ITPR1: variants seen among roughly 807,000 people sequenced by gnomAD.
The protein encoded by ITPR1 is inositol 1,4,5-trisphosphate-gated calcium channel ITPR1.
In ITPR1, 96 loss-of-function variants were observed where a neutral mutation model predicts 318.4. The observed-to-expected ratio is 0.30, with a 90% CI of 0.26 to 0.36. ITPR1 has a LOEUF of 0.36. ITPR1 is among the 10% of genes least tolerant of loss of function. The pLI is 1.00. For missense variants in ITPR1, 2,440 were observed against 3,460.2 expected, an observed-to-expected ratio of 0.71 and a Z score of 7.40; for synonymous variants, 1,312 against 1,289.9, an observed-to-expected ratio of 1.02 and a Z score of -0.37.
chr3:4,574,206 T>C (rs1160214862), intron 4 of ITPR1, among the ~76,000 whole-genome samples: 1 of 152,072 alleles, frequency 6.6e-6, no homozygotes, highest in Non-Finnish European at 1.5e-5. Context: ...ATCTTCTTTT[T>C]TTTTTTTTCA....
At chr3:4,542,851 G>A (rs1274449151) in intron 4 of ITPR1, among the ~76,000 whole-genome samples, 1 of 152,130 alleles carries the variant, frequency 6.6e-6, no homozygotes, top group Non-Finnish European at 1.5e-5. Flanking sequence ...CCTTCCAGGG[G>A]TCTTGTTTCC....
rs535609819 is a variant in ITPR1, at chr3:4,631,304, G to A, written c.279+3426G>A. Among the ~76,000 whole-genome samples the A allele has an allele frequency of 2.1e-4, 32 of 152,262 alleles. 1 individual carries two copies. The highest frequency in any genetic ancestry group is 7.0e-4 in the African/African-American group (29 of 41,548). On this transcript the variant is annotated intron_variant, in intron 5 of 61. Coordinates refer to ENST00000649015, the MANE Select transcript of ITPR1 (RefSeq NM_001378452.1). ...ACAATCACCAACCATAGTGATACAC[G>A]ATTTTACATTTCCCTTTTTGACCTA...
At chr3:4,675,350 C>A in intron 23 of ITPR1, 102 bp downstream of exon 23, 3 of 788,268 alleles carry the variant, frequency 3.8e-6, no homozygotes, top group Non-Finnish European at 3.9e-6. Context: ...TTTCTTTGTT[C>A]ATTCCTTCCC....
intron 15 of ITPR1, 106 bp from the exon 16 acceptor site, chr3:4,662,959 C>A: frequency 2.2e-6 from 2 of 894,412 alleles, no homozygotes; most frequent in Non-Finnish European, 3.5e-6. Flanking sequence ...AAGTGTGGGT[C>A]TGCCCCTGTT....
intron 43 of ITPR1, among the ~76,000 whole-genome samples, chr3:4,734,844 A>G (rs964588440): frequency 2.6e-5 from 4 of 152,246 alleles, no homozygotes; most frequent in Admixed American, 6.5e-5. Context: ...GAACTCTGCC[A>G]CAAGTAATTG....
At chr3:4,701,697 T>C (rs1201624591) in intron 35 of ITPR1, among the ~76,000 whole-genome samples, 1 of 152,242 alleles carries the variant, frequency 6.6e-6, no homozygotes, top group African/African-American at 2.4e-5. Context: ...TTATCCTTGC[T>C]GGGCCTTTGT....
chr3:4,496,603 G>T (rs2080591909), intron 2 of ITPR1, among the ~76,000 whole-genome samples: 1 of 152,156 alleles, frequency 6.6e-6, no homozygotes, highest in South Asian at 2.1e-4. Flanking sequence ...AGAGATAGAT[G>T]AACTCCACAG....
chr3:4,841,342 A>C (rs1390122734), intron 61 of ITPR1, among the ~76,000 whole-genome samples: 2 of 152,218 alleles, frequency 1.3e-5, no homozygotes, highest in Admixed American at 6.5e-5. Context: ...CAAGCAGGTG[A>C]CTTCTGAGCT....
At chr3:4,498,436 G>C (rs2080768751) in intron 2 of ITPR1, among the ~76,000 whole-genome samples, 1 of 152,136 alleles carries the variant, frequency 6.6e-6, no homozygotes, top group Non-Finnish European at 1.5e-5. Flanking sequence ...GAAGGCCAGG[G>C]GAGAGTGCTA....
At chr3:4,714,814 G>T (rs367884924) in intron 39 of ITPR1, among the ~76,000 whole-genome samples, 1 of 152,184 alleles carries the variant, frequency 6.6e-6, no homozygotes, top group South Asian at 2.1e-4. Flanking sequence ...AAACTTTGGC[G>T]TGCCTGTTTG....
At chr3:4,646,446 G>A (rs376007473) in intron 10 of ITPR1, among the ~76,000 whole-genome samples, 6 of 152,356 alleles carry the variant, frequency 3.9e-5, no homozygotes, top group African/African-American at 1.4e-4. Flanking sequence ...GTGAAGCAGC[G>A]TGGGATAAAA....
chr3:4,720,223 G>T (rs1291045928), intron 40 of ITPR1, among the ~76,000 whole-genome samples: 1 of 152,146 alleles, frequency 6.6e-6, no homozygotes, highest in Non-Finnish European at 1.5e-5. Flanking sequence ...ACAGTTTTGT[G>T]GGGGGCAAAG....
In ITPR1 at chr3:4,788,144, G is replaced by A; in HGVS notation, c.6808+5G>A. ...ATTGGCAGAAGAAACTGAGAGGTGG[G>A]TTCCAACGCATCAGCAACAACACAG... On this transcript the variant is annotated splice_donor_5th_base_variant and intron_variant, in intron 52 of 61. Coordinates refer to ENST00000649015, the MANE Select transcript of ITPR1 (RefSeq NM_001378452.1). 6.3e-7 allele frequency: 1 copy of A among 1,593,630 alleles called. No individual in the cohort carries two copies. Among genetic ancestry groups the A allele is most frequent in the Middle Eastern group, 1.7e-4 (1 of 6,034 alleles).
chr3:4,675,281 G>T (rs2094161413), intron 23 of ITPR1, 33 bp downstream of exon 23: 2 of 1,516,892 alleles, frequency 1.3e-6, no homozygotes, highest in Non-Finnish European at 1.8e-6. Context: ...ACATCTGAGA[G>T]ATGCCCTCCA....
At position 4,836,865 on chromosome 3, in the gene ITPR1, A is replaced by G; in HGVS notation, c.8120A>G (p.Gln2707Arg). Residue 2707 changes from glutamine (Q) to arginine (R), a missense_variant, in exon 61 of 62, where the codon CAG (glutamine) becomes CGG (arginine). This residue lies in a region of ITPR1 where 63 missense variants were observed against 63.4 expected (regional missense o/e 0.99). Transcript: ENST00000649015. Reference sequence around the variant, plus strand: ...GAACAGAATGAGCTGAGAAACCTGCAGGAGAAGCTGGAGTCCACCATGAAA... The same window carrying G: ...GAACAGAATGAGCTGAGAAACCTGCGGGAGAAGCTGGAGTCCACCATGAAA... ...EGEQNELRNL[Q>R]EKLESTMKLV... 6.3e-7 allele frequency: 1 copy of G among 1,597,094 alleles called. No homozygotes were observed. Among genetic ancestry groups the G allele is most frequent in the Non-Finnish European group, 8.6e-7 (1 of 1,168,318 alleles).
intron 2 of ITPR1, among the ~76,000 whole-genome samples, chr3:4,501,995 G>A (rs1217752678): frequency 6.6e-6 from 1 of 152,202 alleles, no homozygotes; most frequent in Admixed American, 6.5e-5. Context: ...GTTTCTTGCT[G>A]TTCTTTTGCA....
chr3:4,727,769 T>A (rs985523903), intron 42 of ITPR1, among the ~76,000 whole-genome samples: 2 of 152,106 alleles, frequency 1.3e-5, no homozygotes, highest in African/African-American at 2.4e-5. Flanking sequence ...AGAGACAGAG[T>A]CTTGCTATGT....
chr3:4,646,650 G>T (rs2093464979), intron 10 of ITPR1, among the ~76,000 whole-genome samples: 1 of 152,154 alleles, frequency 6.6e-6, no homozygotes, highest in Admixed American at 6.5e-5. Flanking sequence ...AAAGAAGCTA[G>T]AAGATTCTGC....
At chr3:4,754,051 G>T (rs554456999) in intron 44 of ITPR1, among the ~76,000 whole-genome samples, 4 of 129,642 alleles carry the variant, frequency 3.1e-5, no homozygotes, top group East Asian at 2.1e-4. Flanking sequence ...CAGAAAATGG[G>T]GGGGGGGTGG....
Sources: gnomAD v4.1 joint callset for allele counts (sites outside exome capture counted in the v4.1 genomes callset) on GRCh38, gnomAD v4.1.1 for gene constraint, gnomAD v4.1.1 regional missense constraint, MANE v1.5 for transcripts, NCBI Gene and HGNC (gene_info 2026-07-23, HGNC 2026-07-21) for gene names.